Variants in NBEA observed in about 807,000 individuals in gnomAD.
NBEA encodes neurobeachin.
NBEA carries 44 observed loss-of-function variants against 343.4 expected under a neutral mutation model. The observed-to-expected ratio is 0.13, with a 90% CI of 0.10 to 0.16. The LOEUF is 0.16. Among genes scored for constraint, NBEA ranks in the 10% least tolerant of loss-of-function variants. The pLI is 1.00. For synonymous variants in NBEA, 1,175 were observed against 1,238.7 expected, an observed-to-expected ratio of 0.95 and a Z score of 1.08; for missense variants, 2,555 against 3,631.3, an observed-to-expected ratio of 0.70 and a Z score of 7.62.
chr13:35,524,948 C>T lies in NBEA; in HGVS notation c.6586-25529C>T, dbSNP rs571891514. 5.3e-5 allele frequency among the ~76,000 whole-genome samples: 8 copies of T among 152,258 alleles called. No homozygotes were observed. The South Asian group carries it at 1.2e-3, about 24-fold the overall frequency. On this transcript the variant is annotated intron_variant, in intron 41 of 58. Coordinates refer to ENST00000379939, the MANE Select transcript of NBEA (RefSeq NM_001385012.1). ...TAATAAAGATAGGACATAGTGTATT[C>T]TGGTCCCCATTGTGGATCCTTTTTT...
At chr13:35,664,836 C>T (rs893065884) in intron 55 of NBEA, among the ~76,000 whole-genome samples, 1 of 152,250 alleles carries the variant, frequency 6.6e-6, no homozygotes, top group Non-Finnish European at 1.5e-5. Flanking sequence ...TTACCACTCT[C>T]GTTACGTTCT....
chr13:35,423,361 T>C (rs1414759882), intron 38 of NBEA, among the ~76,000 whole-genome samples: 2 of 152,208 alleles, frequency 1.3e-5, no homozygotes, highest in African/African-American at 2.4e-5. Context: ...TTCAGCTTTC[T>C]ACATATGGTT....
intron 45 of NBEA, among the ~76,000 whole-genome samples, chr13:35,571,058 G>A (rs1370784653): frequency 6.6e-6 from 1 of 152,106 alleles, no homozygotes; most frequent in African/African-American, 2.4e-5. Context: ...AACAACAAAA[G>A]TAGTTGTTTC....
At chr13:35,171,062 CT>C in intron 25 of NBEA, 1 of 687,784 alleles carries the variant, frequency 1.5e-6, no homozygotes, top group Non-Finnish European at 2.7e-6. Context: ...TTAAAATGGG[CT>C]TTTCCTTTAT....
intron 41 of NBEA, among the ~76,000 whole-genome samples, chr13:35,477,587 C>G (rs1000602935): frequency 2.0e-5 from 3 of 152,170 alleles, no homozygotes; most frequent in African/African-American, 7.2e-5. Context: ...TCATAGAGAT[C>G]AAGCTTCCTC....
chr13:35,460,538 CT>C (rs2046844930), intron 40 of NBEA, among the ~76,000 whole-genome samples: 1 of 152,154 alleles, frequency 6.6e-6, no homozygotes, highest in African/African-American at 2.4e-5. Context: ...TATTGAGCCT[CT>C]TTGCCTCTTT....
intron 10 of NBEA, among the ~76,000 whole-genome samples, chr13:35,075,456 A>T (rs1294021281): frequency 6.6e-6 from 1 of 152,118 alleles, no homozygotes; most frequent in African/African-American, 2.4e-5. Flanking sequence ...TAAATAAATT[A>T]TCTTAAGTAT....
At chr13:35,068,100 A>G (rs900996519) in intron 8 of NBEA, among the ~76,000 whole-genome samples, 2 of 152,066 alleles carry the variant, frequency 1.3e-5, no homozygotes, top group African/African-American at 4.8e-5. Flanking sequence ...AAAGATAAGA[A>G]AATTTTCTTC....
At chr13:35,439,573 A>G (rs530150825) in intron 39 of NBEA, among the ~76,000 whole-genome samples, 1 of 152,316 alleles carries the variant, frequency 6.6e-6, no homozygotes, top group Non-Finnish European at 1.5e-5. Flanking sequence ...TTTATTTTAG[A>G]TGTCTCATAT....
intron 11 of NBEA, among the ~76,000 whole-genome samples, chr13:35,103,209 C>T (rs1159217700): frequency 2.0e-5 from 3 of 151,672 alleles, no homozygotes; most frequent in East Asian, 1.9e-4. Flanking sequence ...CCTGGACTCT[C>T]GTTTACTCCT....
At chr13:35,287,231 A>G (rs974799167) in intron 34 of NBEA, among the ~76,000 whole-genome samples, 4 of 151,984 alleles carry the variant, frequency 2.6e-5, no homozygotes, top group East Asian at 3.9e-4. Context: ...GTGAACATAT[A>G]TATTTTCTGG....
At chr13:35,208,591 A>T in intron 31 of NBEA, 109 bp from the exon 32 acceptor site, 1 of 1,020,916 alleles carries the variant, frequency 9.8e-7, no homozygotes, top group East Asian at 2.9e-5. Context: ...TTTTTAATTA[A>T]AAGAAGAGAG....
chr13:35,617,037 G>C (rs903611659), intron 48 of NBEA, among the ~76,000 whole-genome samples: 3 of 152,182 alleles, frequency 2.0e-5, no homozygotes, highest in Non-Finnish European at 4.4e-5. Context: ...TACTCTCGCA[G>C]ATTCAGAAGA....
At chr13:35,068,006 A>G (rs1322475471) in intron 8 of NBEA, among the ~76,000 whole-genome samples, 15 of 152,058 alleles carry the variant, frequency 9.9e-5, no homozygotes, top group Non-Finnish European at 2.1e-4. Context: ...TCAAAGTGCT[A>G]AGATTACAGG....
intron 1 of NBEA, among the ~76,000 whole-genome samples, chr13:35,035,221 A>G (rs1356627996): frequency 6.6e-6 from 1 of 151,628 alleles, no homozygotes; most frequent in African/African-American, 2.4e-5. Context: ...TGTTTCTGTT[A>G]TTATTAGTTT....
intron 38 of NBEA, among the ~76,000 whole-genome samples, chr13:35,357,925 C>A (rs1464936220): frequency 1.3e-5 from 2 of 152,124 alleles, no homozygotes; most frequent in African/African-American, 4.8e-5. Flanking sequence ...CTGCTCTTTG[C>A]AAAGACCCTT....
chr13:35,423,002 T>C (rs1369809307), intron 38 of NBEA, among the ~76,000 whole-genome samples: 1 of 152,202 alleles, frequency 6.6e-6, no homozygotes, highest in Non-Finnish European at 1.5e-5. Flanking sequence ...GTTGTTTGTT[T>C]TTTTCTTGTA....
At chr13:35,364,036 T>C (rs1232517027) in intron 38 of NBEA, among the ~76,000 whole-genome samples, 1 of 151,960 alleles carries the variant, frequency 6.6e-6, no homozygotes. Context: ...CATGTTCTAG[T>C]GGAAATGTCT....
chr13:35,311,309 C>T (rs1264100282), intron 36 of NBEA, among the ~76,000 whole-genome samples: 4 of 150,740 alleles, frequency 2.7e-5, no homozygotes, highest in Admixed American at 1.3e-4. Context: ...GTTTCAACTG[C>T]GAAGTAAAAA....
Sources: allele counts gnomAD v4.1 joint callset (sites outside exome capture counted in the v4.1 genomes callset), GRCh38; gene constraint gnomAD v4.1.1; transcripts MANE v1.5; gene names NCBI Gene and HGNC (gene_info 2026-07-23, HGNC 2026-07-21).